Variants in TENM2 observed in about 807,000 individuals in gnomAD.
TENM2 encodes teneurin transmembrane protein 2.
A neutral mutation model predicts 245.2 loss-of-function variants in TENM2; 52 were observed. The ratio of observed to expected loss-of-function variants is 0.21; its 90% CI spans 0.17 to 0.27. TENM2 has a LOEUF of 0.27. TENM2 is among the 10% of genes least tolerant of loss of function. TENM2 has a pLI of 1.00. For synonymous variants in TENM2, 1,363 were observed against 1,438.9 expected (o/e 0.95, Z 1.19); for missense variants, 3,046 against 3,666.8 (o/e 0.83, Z 4.37).
the TENM2 span, among the ~76,000 whole-genome samples, chr5:167,233,941 T>TAA: frequency 6.6e-6 from 1 of 151,200 alleles, no homozygotes; most frequent in South Asian, 2.1e-4. Flanking sequence ...ATGAAAATAA[T>TAA]AAAAAAAAGA....
intron 8 of TENM2, among the ~76,000 whole-genome samples, chr5:168,095,457 C>A (rs1456644614): frequency 3.3e-5 from 5 of 152,352 alleles, no homozygotes; most frequent in Non-Finnish European, 5.9e-5. Flanking sequence ...CCTTCAGAGT[C>A]ACCTGCATAG....
At chr5:168,120,742 A>G (rs1267332276) in intron 10 of TENM2, among the ~76,000 whole-genome samples, 1 of 152,250 alleles carries the variant, frequency 6.6e-6, no homozygotes, top group Non-Finnish European at 1.5e-5. Context: ...GGAATCAGAA[A>G]GTCTGGATCA....
chr5:167,670,088 A>G (rs1201240862), intron 2 of TENM2, among the ~76,000 whole-genome samples: 2 of 152,162 alleles, frequency 1.3e-5, no homozygotes, highest in Non-Finnish European at 2.9e-5. Flanking sequence ...CTACATTTAA[A>G]TTAGTCTTTC....
At chr5:167,628,737 G>A (rs542776550) in intron 2 of TENM2, among the ~76,000 whole-genome samples, 39 of 152,242 alleles carry the variant, frequency 2.6e-4, no homozygotes, top group South Asian at 8.3e-4. Flanking sequence ...TCTGTCTTCC[G>A]TTTCATTTGT....
intron 5 of TENM2, among the ~76,000 whole-genome samples, chr5:168,023,393 T>C (rs1209503117): frequency 6.6e-6 from 1 of 152,140 alleles, no homozygotes; most frequent in African/African-American, 2.4e-5. Context: ...GATGAGCGCC[T>C]GAGCTGCCAG....
chr5:167,196,156 C>T, the TENM2 span, among the ~76,000 whole-genome samples: 3 of 151,974 alleles, frequency 2.0e-5, no homozygotes, highest in Non-Finnish European at 4.4e-5. Flanking sequence ...TAGCATGTTA[C>T]TGTACTGAAT....
chr5:167,991,166 T>C (rs1266647040), intron 4 of TENM2, among the ~76,000 whole-genome samples: 1 of 152,172 alleles, frequency 6.6e-6, no homozygotes, highest in African/African-American at 2.4e-5. Flanking sequence ...AACTGACACA[T>C]TGTGAGTGGT....
chr5:167,478,062 A>G (rs1042138440), intron 2 of TENM2, among the ~76,000 whole-genome samples: 9 of 152,304 alleles, frequency 5.9e-5, no homozygotes, highest in African/African-American at 2.2e-4. Flanking sequence ...CATTAAATAT[A>G]TTTTCACATG....
In TENM2 at chr5:168,190,401, C is replaced by T. The variant is rs1360631109; in HGVS notation, c.2634C>T (p.Leu878=). 1.9e-6 allele frequency: 3 copies of T among 1,613,884 alleles called. No homozygotes were observed. In the African/African-American group the frequency reaches 4.0e-5, roughly 22 times the overall value. ...AGTCAGCCTGTCAGAACAGCCTGCTCTGCCGGGGGTCCCGGGACCCACTGG... is the reference window on the plus strand; with the variant it reads ...AGTCAGCCTGTCAGAACAGCCTGCTTTGCCGGGGGTCCCGGGACCCACTGG... The change falls in exon 14 of 29, where the codon CTC becomes CTT. Residue 878 remains leucine, a synonymous_variant. Coordinates refer to ENST00000518659, the Ensembl canonical transcript of TENM2.
intron 10 of TENM2, among the ~76,000 whole-genome samples, chr5:168,118,896 G>A (rs1048264601): frequency 2.0e-5 from 3 of 151,504 alleles, no homozygotes; most frequent in Non-Finnish European, 4.4e-5. Context: ...TTAGTAATTG[G>A]GAATTACTAA....
At chr5:167,001,324 C>T in the TENM2 span, among the ~76,000 whole-genome samples, 2 of 151,968 alleles carry the variant, frequency 1.3e-5, no homozygotes, top group Admixed American at 6.6e-5. Context: ...TTTCTTAGAT[C>T]GTATGGAAAA....
the TENM2 span, among the ~76,000 whole-genome samples, chr5:167,154,097 A>G: frequency 3.3e-5 from 5 of 152,192 alleles, no homozygotes; most frequent in African/African-American, 1.2e-4. Context: ...TTTTGTTTAT[A>G]TTGTCCAGAC....
chr5:167,346,662 A>G (rs1174644660), intron 1 of TENM2, among the ~76,000 whole-genome samples: 1 of 152,192 alleles, frequency 6.6e-6, no homozygotes, highest in Non-Finnish European at 1.5e-5. Context: ...AGTTTCATGG[A>G]TGCTGGCAGA....
chr5:168,241,838 C>T (rs11959012), intron 25 of TENM2, among the ~76,000 whole-genome samples: 67,039 of 151,982 alleles, frequency 0.44, 15,054 homozygotes, highest in South Asian at 0.53. Flanking sequence ...TTGTTTCCAC[C>T]GCTAGTAACA....
At chr5:167,673,394 G>A (rs890122553) in intron 2 of TENM2, among the ~76,000 whole-genome samples, 19 of 152,048 alleles carry the variant, frequency 1.2e-4, no homozygotes, top group African/African-American at 4.6e-4. Flanking sequence ...AGTTTGCTCA[G>A]TACTCAGTGA....
At chr5:167,051,805 A>G in the TENM2 span, among the ~76,000 whole-genome samples, 8 of 152,346 alleles carry the variant, frequency 5.3e-5, no homozygotes, top group East Asian at 1.5e-3. Flanking sequence ...TTAAAATTCA[A>G]AATAGTCAGC....
intron 2 of TENM2, among the ~76,000 whole-genome samples, chr5:167,387,974 G>A (rs1761540189): frequency 6.6e-6 from 1 of 151,984 alleles, no homozygotes; most frequent in Non-Finnish European, 1.5e-5. Flanking sequence ...TCGGACTCTA[G>A]TTTTCTTTTT....
intron 5 of TENM2, among the ~76,000 whole-genome samples, chr5:168,019,166 T>A (rs1785924707): frequency 6.6e-6 from 1 of 152,170 alleles, no homozygotes; most frequent in Non-Finnish European, 1.5e-5. Context: ...TCATTAACAC[T>A]GGAGCAAAAA....
At chr5:167,929,721 G>T (rs1778138914) in intron 3 of TENM2, among the ~76,000 whole-genome samples, 1 of 152,186 alleles carries the variant, frequency 6.6e-6, no homozygotes, top group Non-Finnish European at 1.5e-5. Flanking sequence ...GACTCTAAGA[G>T]ATGTTCCTCA....
Sources: allele counts gnomAD v4.1 joint callset (sites outside exome capture counted in the v4.1 genomes callset), GRCh38; gene constraint gnomAD v4.1.1; transcripts MANE v1.5; gene names NCBI Gene and HGNC (gene_info 2026-07-23, HGNC 2026-07-21).